The following NLRP11 variants were observed in gnomAD, a reference collection of about 807,000 sequenced individuals.
NLRP11 encodes NACHT, LRR and PYD domains-containing protein 11.
Under a neutral mutation model 79.3 loss-of-function variants are expected in NLRP11, and 53 were observed. The ratio of observed to expected loss-of-function variants is 0.67; its 90% CI spans 0.54 to 0.84. NLRP11 has a LOEUF of 0.84. Among genes scored for constraint, NLRP11 ranks in the 40% least tolerant of loss-of-function variants. NLRP11 has a pLI of 0.00. For synonymous variants in NLRP11, 518 were observed against 462.6 expected, an observed-to-expected ratio of 1.12 and a Z score of -1.54; for missense variants, 1,264 against 1,255.0, an observed-to-expected ratio of 1.01 and a Z score of -0.11.
At chr19:55,817,205 T>TA (rs932197407) in intron 2 of NLRP11, among the ~76,000 whole-genome samples, 3 of 152,074 alleles carry the variant, frequency 2.0e-5, no homozygotes, top group Non-Finnish European at 4.4e-5. Context: ...ATGGATGTGG[T>TA]AAAAAGGGAA....
intron 5 of NLRP11, among the ~76,000 whole-genome samples, chr19:55,800,366 G>A (rs567924157): frequency 2.6e-5 from 4 of 152,232 alleles, no homozygotes; most frequent in South Asian, 2.1e-4. Context: ...AACGTGCAGC[G>A]GCGCCATCTC....
At chr19:55,788,890 C>G (rs1422900000) in exon 9 of NLRP11, 1 of 1,613,616 alleles carries the variant, frequency 6.2e-7, no homozygotes. Context: ...GATTTTGAAG[C>G]AAGTTGAGTC....
rs962823073 is a variant in NLRP11, at chr19:55,809,413, C to G, written c.1197G>C (p.Leu399Phe). ...TCAGAAACAGTCCTCCTGCAGCCAG[C>G]AAACACAGACGTTTTAGGAGACCTA... The change falls in exon 3 of 10, where the codon TTG (leucine) becomes TTC (phenylalanine). Residue 399 changes from leucine to phenylalanine, a missense_variant. Physicochemically the swap from Leu to Phe is conservative, Grantham distance 22. Transcript: ENST00000589093. The surrounding 1 kb of genome is among the most constrained non-coding windows in gnomAD (Gnocchi z 4.5). 6.2e-7 allele frequency: 1 copy of G among 1,614,056 alleles called. No individual in the cohort carries two copies. The highest frequency in any genetic ancestry group is 1.3e-5 in the African/African-American group (1 of 74,926).
chr19:55,810,844 T>C (rs753827720), intron 2 of NLRP11, among the ~76,000 whole-genome samples: 5 of 152,214 alleles, frequency 3.3e-5, no homozygotes, highest in African/African-American at 1.2e-4. Context: ...ATTCAACTCA[T>C]ACAGTGGAGT....
intron 5 of NLRP11, among the ~76,000 whole-genome samples, chr19:55,796,779 C>CG (rs1568630352): frequency 6.6e-6 from 1 of 151,828 alleles, no homozygotes; most frequent in African/African-American, 2.4e-5. Context: ...CTCTGCCTCC[C>CG]GGGTTTTTAA....
chr19:55,794,989 C>T (rs923274706), intron 6 of NLRP11, among the ~76,000 whole-genome samples: 6 of 152,144 alleles, frequency 3.9e-5, no homozygotes, highest in African/African-American at 1.2e-4. Context: ...AGATGACCTA[C>T]TGCATTCTTT....
chr19:55,823,725 A>G (rs1464086994), intron 1 of NLRP11, among the ~76,000 whole-genome samples: 2 of 150,816 alleles, frequency 1.3e-5, no homozygotes, highest in Non-Finnish European at 2.9e-5. Context: ...AACAAATAAA[A>G]AGAAATGAGC....
At chr19:55,793,296 C>T (rs932370052) in intron 6 of NLRP11, among the ~76,000 whole-genome samples, 33 of 152,098 alleles carry the variant, frequency 2.2e-4, no homozygotes, top group African/African-American at 6.7e-4. Context: ...AGGCCGGGCA[C>T]GGTGGTTCAC....
At chr19:55,796,454 G>T (rs967583305) in intron 5 of NLRP11, among the ~76,000 whole-genome samples, 18 of 152,128 alleles carry the variant, frequency 1.2e-4, no homozygotes, top group Non-Finnish European at 1.2e-4. Flanking sequence ...TTCACGAAGG[G>T]CTGTGAGCAG....
chr19:55,785,980 A>AC, intron 9 of NLRP11, 109 bp from the exon 10 acceptor site: 4 of 1,141,180 alleles, frequency 3.5e-6, no homozygotes, highest in Non-Finnish European at 5.0e-6. Flanking sequence ...TCTTGGGAGT[A>AC]TCTCAAGCCA....
At chr19:55,835,620 T>A (rs1192086626), upstream of NLRP11, among the ~76,000 whole-genome samples, 91 of 114,690 alleles carry the variant, frequency 7.9e-4, no homozygotes, top group South Asian at 2.0e-3. Flanking sequence ...GGCGGGCAGA[T>A]CACTTGAGGT....
At chr19:55,803,807 C>T (rs1024706637) in intron 4 of NLRP11, among the ~76,000 whole-genome samples, 7 of 151,358 alleles carry the variant, frequency 4.6e-5, no homozygotes, top group South Asian at 4.2e-4. Flanking sequence ...ACAGGCTGGG[C>T]GTGGAGGCTC....
chr19:55,802,605 T>C (rs977264453), intron 4 of NLRP11, among the ~76,000 whole-genome samples: 1 of 152,190 alleles, frequency 6.6e-6, no homozygotes, highest in Non-Finnish European at 1.5e-5. Context: ...ATTTACAGAT[T>C]CAATGCTATT....
chr19:55,794,676 C>A (rs368566776), intron 6 of NLRP11, among the ~76,000 whole-genome samples: 2 of 151,970 alleles, frequency 1.3e-5, no homozygotes, highest in Non-Finnish European at 2.9e-5. Context: ...AGGAGAATGG[C>A]GTGAACCCGG....
intron 2 of NLRP11, among the ~76,000 whole-genome samples, chr19:55,811,242 T>C (rs866429929): frequency 2.6e-5 from 4 of 152,226 alleles, no homozygotes; most frequent in Middle Eastern, 3.4e-3. Flanking sequence ...ATACACAAGA[T>C]TGCACTCCCA....
chr19:55,818,053 T>G (rs761427738), exon 2 of NLRP11: 2 of 1,614,188 alleles, frequency 1.2e-6, no homozygotes, highest in Admixed American at 1.7e-5. Context: ...CAGTGGAAAC[T>G]GTGGCAGTTT....
intron 5 of NLRP11, among the ~76,000 whole-genome samples, chr19:55,800,674 G>A (rs555218609): frequency 3.3e-5 from 5 of 152,084 alleles, no homozygotes; most frequent in Non-Finnish European, 7.3e-5. Context: ...TTAGGACACG[G>A]GCATGTGAAT....
chr19:55,814,716 A>G (rs1012745023), intron 2 of NLRP11, among the ~76,000 whole-genome samples: 1 of 152,208 alleles, frequency 6.6e-6, no homozygotes, highest in Non-Finnish European at 1.5e-5. Flanking sequence ...AAGATGGTAG[A>G]CCAGAAGCTG....
exon 6 of NLRP11, chr19:55,796,090 T>C (rs1978822527): frequency 6.2e-7 from 1 of 1,612,372 alleles, no homozygotes; most frequent in Non-Finnish European, 8.5e-7. Context: ...ACCAGTGATA[T>C]AAGAGTGCAG....
Sources: allele counts gnomAD v4.1 joint callset (sites outside exome capture counted in the v4.1 genomes callset), GRCh38; gene constraint gnomAD v4.1.1; non-coding constraint Gnocchi (gnomAD v3.1); transcripts MANE v1.5; gene names NCBI Gene and HGNC (gene_info 2026-07-23, HGNC 2026-07-21).